Variants in COL27A1 observed in about 807,000 individuals in gnomAD.
The protein encoded by COL27A1 is collagen alpha-1(XXVII) chain.
COL27A1 carries 106 observed loss-of-function variants against 251.3 expected under a neutral mutation model. That is an observed-to-expected ratio of 0.42 (90% CI 0.36 to 0.50). The LOEUF is 0.50. Ranked by LOEUF, COL27A1 falls within the 20% of genes least tolerant of loss-of-function variation. The probability of loss-of-function intolerance (pLI) is 0.00; values close to 1 mark genes in which losing one functional copy is unlikely to be tolerated. For missense variants in COL27A1, 2,325 were observed against 2,522.8 expected, an observed-to-expected ratio of 0.92 and a Z score of 1.68; for synonymous variants, 1,000 against 986.3, an observed-to-expected ratio of 1.01 and a Z score of -0.26.
intron 37 of COL27A1, among the ~76,000 whole-genome samples, chr9:114,277,755 C>A (rs1835600726): frequency 6.6e-6 from 1 of 152,208 alleles, no homozygotes; most frequent in African/African-American, 2.4e-5. Context: ...GCATTAGGAA[C>A]TTGGTCTGCG....
chr9:114,300,182 C>T lies in COL27A1; in HGVS notation c.4638+59C>T, dbSNP rs966160829. 32 of 1,501,644 alleles carry T rather than the reference C, an allele frequency of 2.1e-5. No homozygotes were observed. In the African/African-American group the frequency reaches 3.9e-4, roughly 18 times the overall value. The allele number at this position is 1,501,644 out of a possible 1,614,324, so 93.0% of individuals were successfully genotyped here. On this transcript the variant is annotated intron_variant, in intron 50 of 60. Coordinates refer to ENST00000356083, the MANE Select transcript of COL27A1 (RefSeq NM_032888.4). ...GTCCCATCCATTCACCCCATTCATT[C>T]ATTTATTCATTCAACAAATATTTAT... is the stretch of plus-strand genomic sequence containing the variant.
At chr9:114,224,815 G>A (rs575203993) in intron 14 of COL27A1, among the ~76,000 whole-genome samples, 5 of 151,992 alleles carry the variant, frequency 3.3e-5, no homozygotes. Context: ...ATGATGCCCA[G>A]CTAATTTTAG....
chr9:114,310,683 G>A lies in COL27A1; in HGVS notation c.5571G>A (p.Ala1857=), dbSNP rs576834803. The A allele has an allele frequency of 2.6e-5, 42 of 1,614,126 alleles. No individual in the cohort carries two copies. The highest frequency in any genetic ancestry group is 2.2e-4 in the South Asian group (20 of 91,082). The change falls in exon 61 of 61, where the codon GCG becomes GCA. Residue 1857 remains alanine (A), a synonymous_variant. Transcript: ENST00000356083. ...GKQYRLEVGP[A]CFL Reference sequence around the variant, plus strand: ...AGTACCGCCTGGAAGTTGGACCTGCGTGCTTCCTCTGACCTCTGACCTCGT... The same window carrying A: ...AGTACCGCCTGGAAGTTGGACCTGCATGCTTCCTCTGACCTCTGACCTCGT...
chr9:114,218,697 T>C (rs1275365538), intron 12 of COL27A1: 4 of 151,940 alleles, frequency 2.6e-5, no homozygotes, highest in African/African-American at 7.3e-5. Context: ...AGGGGAGAGA[T>C]TTAAAGGGAG....
At chr9:114,246,065 G>A in intron 24 of COL27A1, 155 bp downstream of exon 24, 1 of 610,276 alleles carries the variant, frequency 1.6e-6, no homozygotes, top group Non-Finnish European at 2.9e-6. Context: ...CACGAATGTG[G>A]ACGGTGACCC....
At chr9:114,196,457 A>G (rs1414367956) in intron 7 of COL27A1, among the ~76,000 whole-genome samples, 1 of 152,136 alleles carries the variant, frequency 6.6e-6, no homozygotes, top group Non-Finnish European at 1.5e-5. Flanking sequence ...CTGACCCTGC[A>G]CAGTCTGGGG....
In COL27A1 at chr9:114,265,128, T is replaced by G. The variant is rs1279813982; in HGVS notation, c.3339+18T>G. The G allele has an allele frequency of 2.0e-5, 25 of 1,280,446 alleles. No individual in the cohort carries two copies. Among genetic ancestry groups the G allele is most frequent in the Non-Finnish European group, 2.6e-5 (24 of 940,158 alleles). 79.3% of individuals were successfully genotyped at this position (1,280,446 alleles called of 1,614,324 possible). Reference sequence around the variant, plus strand: ...GCTTTCCTGTAAGTAGCACCAGTTCTTGAAATTCTCTACATGGGGCTTTTG... The same window carrying G: ...GCTTTCCTGTAAGTAGCACCAGTTCGTGAAATTCTCTACATGGGGCTTTTG... On this transcript the variant is annotated intron_variant, in intron 31 of 60. Transcript: ENST00000356083.
At position 114,250,606 on chromosome 9, in the gene COL27A1, G is replaced by T. The variant is rs1389530210; in HGVS notation, c.2980-9G>T. On this transcript the variant is annotated splice_polypyrimidine_tract_variant and intron_variant, in intron 24 of 60. Coordinates refer to ENST00000356083, the MANE Select transcript of COL27A1 (RefSeq NM_032888.4). ...TTGTTTCTCTTGCTTTCGGGAATGT[G>T]TCTCATAGGGATTTATGGGATTCAT... 4.3e-6 allele frequency: 7 copies of T among 1,611,346 alleles called. No individual in the cohort carries two copies. Among genetic ancestry groups the T allele is most frequent in the Non-Finnish European group, 5.9e-6 (7 of 1,177,658 alleles).
intron 4 of COL27A1, among the ~76,000 whole-genome samples, chr9:114,178,604 G>A (rs1827658490): frequency 6.6e-6 from 1 of 152,146 alleles, no homozygotes; most frequent in Non-Finnish European, 1.5e-5. Flanking sequence ...CTGGGGTGGG[G>A]AAGGGGCTCC....
chr9:114,309,508 C>T, intron 60 of COL27A1, 30 bp downstream of exon 60: 1 of 1,557,300 alleles, frequency 6.4e-7, no homozygotes, highest in Non-Finnish European at 8.8e-7. Context: ...CTAGGCCCTT[C>T]ATGTGGGGAC....
chr9:114,218,363 G>A lies in COL27A1; in HGVS notation c.2368-1428G>A, dbSNP rs111309453. The A allele has an allele frequency of 9.3e-3, 1,460 of 156,958 alleles. 24 individuals are homozygous for A. Among genetic ancestry groups the A allele is most frequent in the African/African-American group, 0.034 (1,397 of 41,540 alleles). 9.7% of individuals were successfully genotyped at this position (156,958 alleles called of 1,614,324 possible). ...CCACCCTCTGCAACCAGTTGGACAC[G>A]CGTTTGAGCAGCTTCTACATACCAG... On this transcript the variant is annotated intron_variant, in intron 12 of 60. Transcript: ENST00000356083.
chr9:114,254,630 G>A (rs562714220), intron 27 of COL27A1, among the ~76,000 whole-genome samples: 1 of 152,260 alleles, frequency 6.6e-6, no homozygotes, highest in East Asian at 1.9e-4. Context: ...CCAAAGTCCA[G>A]ACTGAGGAGT....
At chr9:114,182,483 T>C (rs1253571712) in intron 4 of COL27A1, among the ~76,000 whole-genome samples, 3 of 150,564 alleles carry the variant, frequency 2.0e-5, no homozygotes, top group East Asian at 3.9e-4. Flanking sequence ...GCAGAGGAGA[T>C]GGATGAGAAA....
chr9:114,253,000 G>A, intron 27 of COL27A1, 68 bp downstream of exon 27: 1 of 1,281,610 alleles, frequency 7.8e-7, no homozygotes, highest in Non-Finnish European at 1.1e-6. Context: ...GCTGGGTGTG[G>A]TGGCTCACAC....
At chr9:114,206,354 C>A (rs907323254) in intron 10 of COL27A1, 58 bp downstream of exon 10, 16 of 1,544,896 alleles carry the variant, frequency 1.0e-5, no homozygotes, top group Admixed American at 6.7e-5. Flanking sequence ...ATCACCTGTC[C>A]CTCCAGTGGG....
chr9:114,182,136 C>T (rs921868191), intron 4 of COL27A1, among the ~76,000 whole-genome samples: 4 of 150,720 alleles, frequency 2.7e-5, no homozygotes, highest in African/African-American at 4.9e-5. Context: ...GCCAGGAATT[C>T]GAGACCAGCC....
intron 45 of COL27A1, 78 bp downstream of exon 45, chr9:114,289,373 A>G: frequency 1.4e-6 from 2 of 1,395,874 alleles, no homozygotes; most frequent in Non-Finnish European, 1.9e-6. Flanking sequence ...ACAGCAAACC[A>G]AACGCAGGCT....
intron 25 of COL27A1, among the ~76,000 whole-genome samples, chr9:114,251,537 C>T (rs1833547101): frequency 6.6e-6 from 1 of 152,174 alleles, no homozygotes; most frequent in Non-Finnish European, 1.5e-5. Flanking sequence ...GACAGATTCA[C>T]AAGAAGTTGC....
In COL27A1 at chr9:114,289,047, T is replaced by G. The variant is rs559784220; in HGVS notation, c.4152+80T>G. ...GTGGGAATTAAAGAACTAGGCCCTTTAAAGCTTAAAGGGACCCTCCCTGCA... is the reference window on the plus strand; with the variant it reads ...GTGGGAATTAAAGAACTAGGCCCTTGAAAGCTTAAAGGGACCCTCCCTGCA... On this transcript the variant is annotated intron_variant, in intron 44 of 60. Transcript: ENST00000356083. The G allele has an allele frequency of 4.4e-5, 67 of 1,536,936 alleles. No individual in the cohort carries two copies. In the Admixed American group the frequency reaches 7.8e-4, roughly 18 times the overall value.
Sources: gnomAD v4.1 joint callset for allele counts (sites outside exome capture counted in the v4.1 genomes callset) on GRCh38, gnomAD v4.1.1 for gene constraint, MANE v1.5 for transcripts, NCBI Gene and HGNC (gene_info 2026-07-23, HGNC 2026-07-21) for gene names.